DCAF1: variants seen among roughly 807,000 people sequenced by gnomAD.
The protein encoded by DCAF1 is DDB1- and CUL4-associated factor 1.
DCAF1 carries 15 observed loss-of-function variants against 128.0 expected under a neutral mutation model. The ratio of observed to expected loss-of-function variants is 0.12; its 90% confidence interval spans 0.08 to 0.18. The LOEUF is 0.18. Ranked by LOEUF, DCAF1 falls within the 10% of genes least tolerant of loss-of-function variation. DCAF1 has a pLI of 1.00. For missense variants in DCAF1, 988 were observed against 1,649.5 expected, an observed-to-expected ratio of 0.60 and a Z score of 6.95; for synonymous variants, 610 against 603.0, an observed-to-expected ratio of 1.01 and a Z score of -0.17.
At chr3:51,435,739 T>C (rs1482721213) in intron 9 of DCAF1, among the ~76,000 whole-genome samples, 1 of 151,736 alleles carries the variant, frequency 6.6e-6, no homozygotes, top group East Asian at 1.9e-4. Context: ...TATAGGTTTA[T>C]ATGTCTGTCT....
At chr3:51,424,928 C>CT (rs1222128122) in intron 13 of DCAF1, among the ~76,000 whole-genome samples, 1 of 152,064 alleles carries the variant, frequency 6.6e-6, no homozygotes, top group Non-Finnish European at 1.5e-5. Flanking sequence ...AACAACATGC[C>CT]AATCCTGGTT....
At chr3:51,430,825 T>C (rs1265412200) in intron 10 of DCAF1, among the ~76,000 whole-genome samples, 2 of 152,144 alleles carry the variant, frequency 1.3e-5, no homozygotes, top group African/African-American at 2.4e-5. Context: ...TAAGCAAAGA[T>C]AAATAATGTC....
At chr3:51,438,535 G>A (rs1458291285) in intron 9 of DCAF1, among the ~76,000 whole-genome samples, 1 of 152,174 alleles carries the variant, frequency 6.6e-6, no homozygotes, top group South Asian at 2.1e-4. Context: ...CAAAGCAACT[G>A]TGTCTATTAA....
chr3:51,478,763 A>G (rs1705796808), intron 3 of DCAF1, among the ~76,000 whole-genome samples: 1 of 152,160 alleles, frequency 6.6e-6, no homozygotes, highest in African/African-American at 2.4e-5. Context: ...TGCTGGGATT[A>G]GAGGCATAAA....
chr3:51,399,439 A>G (rs2089480097), intron 24 of DCAF1, among the ~76,000 whole-genome samples: 1 of 152,176 alleles, frequency 6.6e-6, no homozygotes, highest in Non-Finnish European at 1.5e-5. Context: ...GCAGCAATAC[A>G]AGAGAAGTAG....
intron 12 of DCAF1, among the ~76,000 whole-genome samples, chr3:51,428,718 G>T (rs557468346): frequency 1.3e-5 from 2 of 152,068 alleles, no homozygotes; most frequent in South Asian, 4.1e-4. Flanking sequence ...TCTTTGCCAG[G>T]TACAGTGGCT....
intron 6 of DCAF1, among the ~76,000 whole-genome samples, chr3:51,455,867 A>C (rs1702844664): frequency 6.6e-6 from 1 of 152,086 alleles, no homozygotes; most frequent in African/African-American, 2.4e-5. Context: ...ACTGCACTCC[A>C]GCCTGGGTGA....
intron 23 of DCAF1, among the ~76,000 whole-genome samples, chr3:51,411,929 G>A (rs1363470010): frequency 2.0e-5 from 3 of 151,788 alleles, no homozygotes; most frequent in Non-Finnish European, 2.9e-5. Context: ...TGGCCAACAC[G>A]GTGAAACCCC....
At chr3:51,418,302 A>G in intron 16 of DCAF1, 104 bp from the exon 17 acceptor site, 1 of 1,496,970 alleles carries the variant, frequency 6.7e-7, no homozygotes, top group Non-Finnish European at 8.9e-7. Flanking sequence ...ATGTTGTTGA[A>G]TTAAAGAGAC....
chr3:51,479,380 G>A (rs1369134127), intron 3 of DCAF1, among the ~76,000 whole-genome samples: 1 of 152,100 alleles, frequency 6.6e-6, no homozygotes, highest in Non-Finnish European at 1.5e-5. Context: ...GTGTGTGCCT[G>A]TAGTCCCAGC....
chr3:51,462,972 G>A (rs1318115460), intron 6 of DCAF1, 142 bp downstream of exon 6: 14 of 408,694 alleles, frequency 3.4e-5, no homozygotes, highest in Middle Eastern at 6.6e-4. Flanking sequence ...ATTATTGCCT[G>A]TCAGGATTTC....
chr3:51,501,477 T>A (rs1553664284), upstream of DCAF1, among the ~76,000 whole-genome samples: 2 of 152,162 alleles, frequency 1.3e-5, no homozygotes, highest in Non-Finnish European at 2.9e-5. Context: ...TCTCCGGGAA[T>A]GCTGAGCAAG....
At chr3:51,489,856 T>A (rs73078659) in intron 2 of DCAF1, among the ~76,000 whole-genome samples, 1,391 of 66,112 alleles carry the variant, frequency 0.021, 11 homozygotes, top group South Asian at 0.074. Flanking sequence ...GATAGATAGA[T>A]AGATGGTATC....
intron 24 of DCAF1, among the ~76,000 whole-genome samples, chr3:51,400,036 A>G (rs1174481883): frequency 6.6e-6 from 1 of 152,268 alleles, no homozygotes; most frequent in Non-Finnish European, 1.5e-5. Flanking sequence ...GGACAAAGGA[A>G]AACCAAGAAA....
intron 23 of DCAF1, among the ~76,000 whole-genome samples, chr3:51,411,644 A>T (rs949648951): frequency 6.6e-6 from 1 of 152,188 alleles, no homozygotes; most frequent in Non-Finnish European, 1.5e-5. Flanking sequence ...TTCAACTCTT[A>T]CCCTAATAAT....
chr3:51,477,194 C>T (rs1429841217), intron 3 of DCAF1, among the ~76,000 whole-genome samples: 2 of 151,858 alleles, frequency 1.3e-5, no homozygotes, highest in Non-Finnish European at 2.9e-5. Flanking sequence ...AAATGACATA[C>T]ACTGTTCTTA....
At chr3:51,465,437 A>G (rs1242658377) in intron 5 of DCAF1, among the ~76,000 whole-genome samples, 1 of 152,190 alleles carries the variant, frequency 6.6e-6, no homozygotes, top group African/African-American at 2.4e-5. Context: ...AAGTCAACAT[A>G]ATACAGATAA....
At chr3:51,444,355 CT>C (rs1206206700) in intron 6 of DCAF1, among the ~76,000 whole-genome samples, 1 of 148,872 alleles carries the variant, frequency 6.7e-6, no homozygotes, top group East Asian at 2.0e-4. Context: ...TCAGAACCTT[CT>C]TTTTAAAAAA....
intron 23 of DCAF1, among the ~76,000 whole-genome samples, chr3:51,405,131 G>A (rs1553626205): frequency 6.6e-6 from 1 of 152,184 alleles, no homozygotes; most frequent in African/African-American, 2.4e-5. Context: ...CCAGGGCCCT[G>A]TGTCTTAAGG....
Sources: gnomAD v4.1 joint callset for allele counts (sites outside exome capture counted in the v4.1 genomes callset) on GRCh38, gnomAD v4.1.1 for gene constraint, MANE v1.5 for transcripts, NCBI Gene and HGNC (gene_info 2026-07-23, HGNC 2026-07-21) for gene names.